The following DOCK2 variants were observed in gnomAD, a reference collection of about 807,000 sequenced individuals.
The protein encoded by DOCK2 is dedicator of cytokinesis protein 2.
Under a neutral mutation model 248.9 loss-of-function variants are expected in DOCK2, and 87 were observed. That is an observed-to-expected ratio of 0.35 (90% confidence interval 0.29 to 0.42). The LOEUF (loss-of-function observed/expected upper bound fraction) is 0.42, where lower values mean the gene tolerates loss of function less well. Among genes scored for constraint, DOCK2 ranks in the 10% least tolerant of loss-of-function variants. The probability of loss-of-function intolerance (pLI) is 1.00; values close to 1 mark genes in which losing one functional copy is unlikely to be tolerated. For synonymous variants in DOCK2, 805 were observed against 821.6 expected (o/e 0.98, Z 0.35); for missense variants, 1,747 against 2,300.2 (o/e 0.76, Z 4.92).
Position 169,810,989 on chromosome 5 carries a change from T to TCACACACA in DOCK2, c.2703+7811_2703+7818dup, listed in dbSNP as rs55987604. ...CACACAGACTCTCTCTCTCTCTCTCTCACACACACACACACACACACACAC... is the reference window on the plus strand; with the variant it reads ...CACACAGACTCTCTCTCTCTCTCTCTCACACACACACACACACACACACACACACACAC... On this transcript the variant is annotated intron_variant, in intron 26 of 51. Transcript: ENST00000520908. Among the ~76,000 whole-genome samples, 104 of 97,320 alleles carry TCACACACA rather than the reference T, an allele frequency of 1.1e-3. 1 individual carries two copies. Among genetic ancestry groups the TCACACACA allele is most frequent in the Non-Finnish European group, 1.1e-3 (47 of 41,280 alleles). 63.8% of individuals were successfully genotyped at this position (97,320 alleles called of 152,430 possible).
intron 46 of DOCK2, among the ~76,000 whole-genome samples, chr5:170,069,577 G>A (rs990452976): frequency 6.6e-6 from 1 of 152,090 alleles, no homozygotes; most frequent in Non-Finnish European, 1.5e-5. Context: ...ACCCAGCACA[G>A]GCCAATCTGA....
chr5:169,688,480 T>C (rs1164385186), intron 8 of DOCK2, among the ~76,000 whole-genome samples: 1 of 152,240 alleles, frequency 6.6e-6, no homozygotes, highest in Admixed American at 6.5e-5. Flanking sequence ...ACCAGAATTG[T>C]TTTGGATTTC....
chr5:169,658,967 A>G (rs923273819), intron 2 of DOCK2, among the ~76,000 whole-genome samples: 2 of 149,254 alleles, frequency 1.3e-5, no homozygotes, highest in African/African-American at 4.9e-5. Context: ...TTTGCTTCCA[A>G]TCTACAAGAC....
intron 27 of DOCK2, among the ~76,000 whole-genome samples, chr5:169,930,832 T>C (rs1480330004): frequency 6.6e-6 from 1 of 152,190 alleles, no homozygotes; most frequent in East Asian, 1.9e-4. Context: ...CTTTCAGCTC[T>C]TCATTGGGGG....
chr5:170,036,542 G>A lies in DOCK2; in HGVS notation c.3652G>A (p.Glu1218Lys), dbSNP rs1756329536. 5 of 1,613,124 alleles carry A rather than the reference G, an allele frequency of 3.1e-6. No individual in the cohort carries two copies. The highest frequency in any genetic ancestry group is 4.2e-6 in the Non-Finnish European group (5 of 1,179,610). ...LNFYKDNNREEMYIRYLYKLR... is the reference protein window; with the variant it reads ...LNFYKDNNREKMYIRYLYKLR... ...TTTCTACAAAGATAACAACAGGGAG[G>A]AGATGTACATAAGGTAAGATTCATA... Residue 1218 changes from glutamate (E) to lysine (K), a missense_variant, in exon 36 of 52, where the codon GAG (glutamate) becomes AAG (lysine). Physicochemically the swap from Glu to Lys is moderately conservative, Grantham distance 56. Coordinates refer to ENST00000520908, the MANE Select transcript of DOCK2 (RefSeq NM_004946.3).
At chr5:169,892,988 C>T (rs1396052036) in intron 27 of DOCK2, among the ~76,000 whole-genome samples, 2 of 152,106 alleles carry the variant, frequency 1.3e-5, no homozygotes, top group South Asian at 2.1e-4. Flanking sequence ...ACCTTTCTTG[C>T]CCTCCTCTTT....
chr5:169,699,914 C>G, intron 12 of DOCK2, 100 bp from the exon 13 acceptor site: 1 of 1,542,656 alleles, frequency 6.5e-7, no homozygotes, highest in South Asian at 1.2e-5. Context: ...GACTCTGTTC[C>G]CAGTGATCTC....
intron 1 of DOCK2, among the ~76,000 whole-genome samples, chr5:169,650,872 G>A (rs1757766031): frequency 6.6e-6 from 1 of 152,224 alleles, no homozygotes; most frequent in Admixed American, 6.5e-5. Flanking sequence ...CCCAGGGCTT[G>A]GCGACCTGGC....
At chr5:169,822,210 C>G (rs1031790320) in intron 26 of DOCK2, among the ~76,000 whole-genome samples, 1 of 152,096 alleles carries the variant, frequency 6.6e-6, no homozygotes, top group Non-Finnish European at 1.5e-5. Flanking sequence ...ACAGATCCAC[C>G]AGACAGAAAG....
chr5:169,737,508 T>A (rs966779441), intron 22 of DOCK2, among the ~76,000 whole-genome samples: 3 of 152,182 alleles, frequency 2.0e-5, no homozygotes, highest in Non-Finnish European at 4.4e-5. Flanking sequence ...TCTTTTTGCA[T>A]GCTAATGAGT....
intron 34 of DOCK2, among the ~76,000 whole-genome samples, chr5:170,032,445 G>A (rs1756173792): frequency 6.6e-6 from 1 of 152,148 alleles, no homozygotes; most frequent in South Asian, 2.1e-4. Flanking sequence ...TTGAGCATTG[G>A]GCTTTGTAAA....
chr5:169,651,488 C>T (rs755678338), intron 1 of DOCK2, among the ~76,000 whole-genome samples: 52 of 152,294 alleles, frequency 3.4e-4, no homozygotes, highest in Middle Eastern at 3.4e-3. Context: ...GAGTAACACA[C>T]GGTCCTGCCC....
chr5:170,049,337 T>G lies in DOCK2; in HGVS notation c.4072-919T>G, dbSNP rs538046481. 2.6e-5 allele frequency among the ~76,000 whole-genome samples: 4 copies of G among 152,296 alleles called. No homozygotes were observed. The East Asian group carries it at 7.7e-4, about 29-fold the overall frequency. On this transcript the variant is annotated intron_variant, in intron 40 of 51. Transcript: ENST00000520908. ...ACCATGTTGGCCAGGATGGTCTCCA[T>G]CTCTTGACCTCATGATCCGCCTGCC...
intron 24 of DOCK2, 147 bp downstream of exon 24, chr5:169,759,922 T>C (rs953448514): frequency 2.4e-6 from 2 of 828,440 alleles, no homozygotes; most frequent in Non-Finnish European, 3.7e-6. Context: ...GGGTTTCCGG[T>C]GTGGTATTTT....
chr5:170,079,921 C>T (rs1757966984), intron 49 of DOCK2: 2 of 507,442 alleles, frequency 3.9e-6, no homozygotes, highest in Admixed American at 6.7e-5. Context: ...TAGGGGACAC[C>T]ATTTACATGA....
At chr5:170,010,616 A>C (rs1755249559) in intron 32 of DOCK2, among the ~76,000 whole-genome samples, 1 of 152,202 alleles carries the variant, frequency 6.6e-6, no homozygotes, top group African/African-American at 2.4e-5. Context: ...AAGCCGGGAG[A>C]CTGGGTTTTT....
At chr5:169,686,761 A>T (rs1297144839) in intron 8 of DOCK2, among the ~76,000 whole-genome samples, 2 of 152,170 alleles carry the variant, frequency 1.3e-5, no homozygotes, top group Admixed American at 1.3e-4. Flanking sequence ...CGATGTTTTA[A>T]TGTTGGACTG....
intron 25 of DOCK2, among the ~76,000 whole-genome samples, chr5:169,770,822 T>C (rs1168453947): frequency 6.6e-6 from 1 of 152,234 alleles, no homozygotes; most frequent in African/African-American, 2.4e-5. Flanking sequence ...AATTCCATTG[T>C]GTGAATAAGC....
At chr5:169,865,787 A>C (rs1046146663) in intron 27 of DOCK2, among the ~76,000 whole-genome samples, 1 of 152,198 alleles carries the variant, frequency 6.6e-6, no homozygotes, top group Admixed American at 6.5e-5. Flanking sequence ...CAAAGACCCC[A>C]TGTTGGTTTA....
Sources: gnomAD v4.1 joint callset for allele counts (sites outside exome capture counted in the v4.1 genomes callset) on GRCh38, gnomAD v4.1.1 for gene constraint, MANE v1.5 for transcripts, NCBI Gene and HGNC (gene_info 2026-07-23, HGNC 2026-07-21) for gene names.